Variants in RACGAP1 observed in about 807,000 individuals in gnomAD.
RACGAP1 encodes rac GTPase-activating protein 1.
RACGAP1 carries 30 observed loss-of-function variants against 78.1 expected under a neutral mutation model. The ratio of observed to expected loss-of-function variants is 0.38; its 90% CI spans 0.29 to 0.52. The LOEUF is 0.52. RACGAP1 is among the 20% of genes least tolerant of loss of function. RACGAP1 has a pLI of 0.82. For missense variants in RACGAP1, 587 were observed against 777.1 expected, an observed-to-expected ratio of 0.76 and a Z score of 2.91; for synonymous variants, 231 against 264.8, an observed-to-expected ratio of 0.87 and a Z score of 1.24.
intron 7 of RACGAP1, among the ~76,000 whole-genome samples, chr12:50,000,608 A>G (rs1431217163): frequency 6.6e-6 from 1 of 152,132 alleles, no homozygotes; most frequent in South Asian, 2.1e-4. Context: ...CTCTACTTTA[A>G]AAAGTAAAAA....
chr12:50,000,017 G>GTTTTTTTTTTTTT (rs1223931932), intron 7 of RACGAP1, among the ~76,000 whole-genome samples: 1 of 3,786 alleles, frequency 2.6e-4, no homozygotes, highest in African/African-American at 5.9e-4. Flanking sequence ...ACACCTGACT[G>GTTTTTTTTTTTTT]ATTTTTTTTT....
At chr12:50,003,106 T>C (rs908182405) in intron 5 of RACGAP1, among the ~76,000 whole-genome samples, 2 of 152,172 alleles carry the variant, frequency 1.3e-5, no homozygotes, top group Non-Finnish European at 1.5e-5. Context: ...TATTTGTCTT[T>C]TATTGTGGTC....
chr12:50,018,459 G>A, intron 1 of RACGAP1: 1 of 1,020,182 alleles, frequency 9.8e-7, no homozygotes. Flanking sequence ...GGCAGGAAGA[G>A]CTGTGGAATT....
At chr12:50,016,502 G>C in intron 2 of RACGAP1, 129 bp downstream of exon 2, 1 of 952,264 alleles carries the variant, frequency 1.1e-6, no homozygotes, top group South Asian at 1.3e-5. Flanking sequence ...CCACGTAAGT[G>C]ATCACTGCTT....
intron 2 of RACGAP1, among the ~76,000 whole-genome samples, chr12:50,015,180 G>A (rs560152729): frequency 1.2e-3 from 180 of 151,678 alleles, no homozygotes; most frequent in African/African-American, 3.6e-3. Flanking sequence ...ATGCCCGACC[G>A]CTAATATTTT....
chr12:50,005,137 C>A, intron 4 of RACGAP1, 119 bp downstream of exon 4: 1 of 1,476,582 alleles, frequency 6.8e-7, no homozygotes, highest in Non-Finnish European at 9.2e-7. Flanking sequence ...CCCACAAAAT[C>A]TTTTTCTGCT....
chr12:50,027,043 C>T (rs538645534), upstream of RACGAP1, among the ~76,000 whole-genome samples: 8 of 152,326 alleles, frequency 5.3e-5, no homozygotes, highest in East Asian at 1.5e-3. Context: ...CTGTACTTCA[C>T]TTCCTCCAAG....
intron 2 of RACGAP1, among the ~76,000 whole-genome samples, chr12:50,011,953 C>CAA (rs771572498): frequency 1.7e-3 from 59 of 34,406 alleles, no homozygotes; most frequent in East Asian, 3.7e-3. Context: ...GACTCCGTCT[C>CAA]AAAAAAAAAA....
chr12:50,024,620 T>A (rs1950183191), intron 1 of RACGAP1, among the ~76,000 whole-genome samples: 1 of 152,098 alleles, frequency 6.6e-6, no homozygotes, highest in African/African-American at 2.4e-5. Context: ...GATATATGCA[T>A]GTAAGAAATC....
At position 49,992,593 on chromosome 12, in the gene RACGAP1, C is replaced by A. The variant is rs1202392242; in HGVS notation, c.1402G>T (p.Ala468Ser). 5 of 1,614,150 alleles carry A rather than the reference C, an allele frequency of 3.1e-6. No individual in the cohort carries two copies. In the East Asian group the frequency reaches 1.1e-4, roughly 36 times the overall value. The part of the protein sequence containing the change: ...MYQAVGELPQ[A>S]NRDTLAFLMI... ...AGGAAAGCTAATGTGTCCCTGTTGG[C>A]CTGGGGCAGTTCACCAACAGCTTGG... The change falls in exon 13 of 17, where the codon GCC becomes TCC. Residue 468 changes from alanine to serine, a missense_variant. By Grantham distance (99) the Ala-to-Ser change is moderately conservative. Coordinates refer to ENST00000312377, the MANE Select transcript of RACGAP1 (RefSeq NM_001319999.2).
At chr12:50,016,490 G>A (rs1949687594) in intron 2 of RACGAP1, 141 bp downstream of exon 2, 1 of 833,166 alleles carries the variant, frequency 1.2e-6, no homozygotes, top group South Asian at 1.5e-5. Context: ...ATTAGGCTTT[G>A]ACCACGTAAG....
chr12:49,991,495 T>A (rs1170741381), intron 15 of RACGAP1, among the ~76,000 whole-genome samples: 2 of 62,336 alleles, frequency 3.2e-5, no homozygotes, highest in Non-Finnish European at 8.2e-5. Context: ...TTTTTTTTTT[T>A]TTTTTTTTTT....
At chr12:50,013,060 G>A in intron 2 of RACGAP1, among the ~76,000 whole-genome samples, 1 of 135,784 alleles carries the variant, frequency 7.4e-6, no homozygotes, top group South Asian at 2.3e-4. Flanking sequence ...TGAAACTCTT[G>A]TTTCAAAAAA....
At chr12:50,019,713 A>AATAAATAAATAAATAC (rs1468609973) in intron 1 of RACGAP1, 1 of 151,142 alleles carries the variant, frequency 6.6e-6, no homozygotes, top group Non-Finnish European at 1.5e-5. Context: ...TAAATAAATA[A>AATAAATAAATAAATAC]ATAAATAAAT....
intron 10 of RACGAP1, among the ~76,000 whole-genome samples, chr12:49,995,606 C>T (rs1423782021): frequency 6.6e-6 from 1 of 151,984 alleles, no homozygotes; most frequent in African/African-American, 2.4e-5. Flanking sequence ...AATAGTCCAA[C>T]CTAGCCTCCT....
At chr12:49,992,409 G>T (rs1323779474) in intron 13 of RACGAP1, 32 bp from the exon 14 acceptor site, 5 of 1,607,314 alleles carry the variant, frequency 3.1e-6, no homozygotes, top group South Asian at 1.1e-5. Context: ...TAGAAGTCTT[G>T]CTCCTTGCTT....
At chr12:50,013,182 T>C (rs1248684899) in intron 2 of RACGAP1, among the ~76,000 whole-genome samples, 2 of 152,208 alleles carry the variant, frequency 1.3e-5, no homozygotes, top group African/African-American at 2.4e-5. Flanking sequence ...AATTTGCTTA[T>C]ACAATAAAAT....
At chr12:49,991,531 A>AGATGTAT (rs1352831096) in intron 15 of RACGAP1, among the ~76,000 whole-genome samples, 2 of 114,520 alleles carry the variant, frequency 1.7e-5, no homozygotes, top group Non-Finnish European at 3.4e-5. Flanking sequence ...CTCTGTCACC[A>AGATGTAT]GGCTGGAGTG....
At chr12:50,032,536 AGTGTGTGTGTGTGTGT>A (rs60239235) in intron 1 of RACGAP1, among the ~76,000 whole-genome samples, 2 of 147,138 alleles carry the variant, frequency 1.4e-5, no homozygotes, top group East Asian at 4.0e-4. Flanking sequence ...GGAAAAGGTG[AGTGTGTGTGTGTGTGT>A]GTGTGTGTGT....
Sources: allele counts gnomAD v4.1 joint callset (sites outside exome capture counted in the v4.1 genomes callset), GRCh38; gene constraint gnomAD v4.1.1; transcripts MANE v1.5; gene names NCBI Gene and HGNC (gene_info 2026-07-23, HGNC 2026-07-21).